RARS2: variants seen among roughly 807,000 people sequenced by gnomAD.
RARS2 encodes the protein probable arginine--tRNA ligase, mitochondrial.
Under a neutral mutation model 88.5 loss-of-function variants are expected in RARS2, and 67 were observed. The ratio of observed to expected loss-of-function variants is 0.76; its 90% CI spans 0.62 to 0.93. RARS2 has a LOEUF of 0.93. Ranked by LOEUF, RARS2 falls within the 40% of genes least tolerant of loss-of-function variation. The probability of loss-of-function intolerance (pLI) is 0.00; values close to 1 mark genes in which losing one functional copy is unlikely to be tolerated. For synonymous variants in RARS2, 239 were observed against 230.3 expected, an observed-to-expected ratio of 1.04 and a Z score of -0.34; for missense variants, 664 against 684.2, an observed-to-expected ratio of 0.97 and a Z score of 0.33.
Position 87,524,607 on chromosome 6 carries a change from G to A in RARS2, c.924C>T (p.Ser308=), listed in dbSNP as rs960231536. 4 of 1,613,448 alleles carry A rather than the reference G, an allele frequency of 2.5e-6. No individual in the cohort carries two copies. Among genetic ancestry groups the A allele is most frequent in the Non-Finnish European group, 2.5e-6 (3 of 1,179,622 alleles). ...VVDLSGNGDP[S]SICTVMRSDG... ...CACTTCGCATTACAGTACAAATTGAGGAGGGGTCGCCATTCCCAGAGAGAT... is the reference window on the plus strand; with the variant it reads ...CACTTCGCATTACAGTACAAATTGAAGAGGGGTCGCCATTCCCAGAGAGAT... The change falls in exon 11 of 20, where the codon TCC becomes TCT. Residue 308 remains serine (S), a synonymous_variant. Coordinates refer to ENST00000369536, the MANE Select transcript of RARS2 (RefSeq NM_020320.5).
intron 5 of RARS2, among the ~76,000 whole-genome samples, chr6:87,552,159 T>C (rs1233118231): frequency 2.6e-5 from 4 of 152,200 alleles, no homozygotes; most frequent in African/African-American, 7.2e-5. Context: ...TCTAGTATTA[T>C]CATAATCAAC....
At chr6:87,541,524 A>AT (rs1180363255) in intron 8 of RARS2, among the ~76,000 whole-genome samples, 1 of 151,390 alleles carries the variant, frequency 6.6e-6, no homozygotes, top group Non-Finnish European at 1.5e-5. Context: ...TAAAGAACAT[A>AT]TTTTTTAAAC....
chr6:87,564,669 CA>C (rs1342305147), intron 2 of RARS2: 1 of 255,802 alleles, frequency 3.9e-6, no homozygotes, highest in Non-Finnish European at 7.7e-6. Flanking sequence ...AACTCTGTCT[CA>C]AAAAAGTAAA....
chr6:87,574,745 TA>T (rs1302017287), intron 1 of RARS2, among the ~76,000 whole-genome samples: 1 of 152,004 alleles, frequency 6.6e-6, no homozygotes, highest in African/African-American at 2.4e-5. Context: ...GTGAATAAAA[TA>T]AACAAGAACT....
At chr6:87,581,601 T>C (rs1773491213) in intron 1 of RARS2, among the ~76,000 whole-genome samples, 1 of 152,146 alleles carries the variant, frequency 6.6e-6, no homozygotes, top group African/African-American at 2.4e-5. Context: ...TTAGCATGGT[T>C]CTTTTTAAAA....
At chr6:87,579,720 T>TG (rs1772824535) in intron 1 of RARS2, among the ~76,000 whole-genome samples, 2 of 104,158 alleles carry the variant, frequency 1.9e-5, no homozygotes, top group Admixed American at 9.3e-5. Flanking sequence ...AGCATGTTTT[T>TG]TTTTTTTTTT....
intron 11 of RARS2, among the ~76,000 whole-genome samples, chr6:87,524,076 T>C (rs192257166): frequency 2.8e-4 from 43 of 152,360 alleles, no homozygotes; most frequent in African/African-American, 1.0e-3. Flanking sequence ...AAAAGTGATT[T>C]GTGACCTAAT....
At chr6:87,539,408 A>G (rs1190943360) in intron 8 of RARS2, among the ~76,000 whole-genome samples, 1 of 152,262 alleles carries the variant, frequency 6.6e-6, no homozygotes, top group Non-Finnish European at 1.5e-5. Flanking sequence ...AGAAATCAAT[A>G]TACTTTGTGT....
chr6:87,575,895 C>A (rs1313088236), intron 1 of RARS2, among the ~76,000 whole-genome samples: 1 of 150,866 alleles, frequency 6.6e-6, no homozygotes, highest in Non-Finnish European at 1.5e-5. Context: ...CTCACTGCAA[C>A]CTCTGCCTCC....
rs184823101 is a variant in RARS2 at position 87,550,559 on chromosome 6, C to A, written c.396-1913G>T. Among the ~76,000 whole-genome samples, 6 of 150,968 alleles carry A rather than the reference C, an allele frequency of 4.0e-5. No homozygotes were observed. The East Asian group carries it at 9.7e-4, about 25-fold the overall frequency. ...AAAAAAAATCAATAGAAATAAAAAA[C>A]CCCAGAAAAACAGCTCTATATAATT... is the stretch of plus-strand genomic sequence containing the variant. On this transcript the variant is annotated intron_variant, in intron 5 of 19. Coordinates refer to ENST00000369536, the MANE Select transcript of RARS2 (RefSeq NM_020320.5).
intron 7 of RARS2, among the ~76,000 whole-genome samples, chr6:87,542,655 A>G (rs1168659819): frequency 1.3e-5 from 2 of 151,120 alleles, no homozygotes; most frequent in African/African-American, 4.9e-5. Context: ...AACCTAAAAA[A>G]AAAAAGAAAA....
chr6:87,581,507 GCAAA>G, intron 1 of RARS2, among the ~76,000 whole-genome samples: 1 of 152,134 alleles, frequency 6.6e-6, no homozygotes, highest in South Asian at 2.1e-4. Flanking sequence ...CAAACAAGAA[GCAAA>G]CAAAGTAAGA....
intron 4 of RARS2, among the ~76,000 whole-genome samples, chr6:87,558,727 A>G (rs975278887): frequency 2.0e-5 from 3 of 152,244 alleles, no homozygotes; most frequent in African/African-American, 7.2e-5. Context: ...CAGTCAAATA[A>G]AAGTATAGCA....
chr6:87,557,378 A>C (rs1786315852), intron 4 of RARS2, among the ~76,000 whole-genome samples: 1 of 152,234 alleles, frequency 6.6e-6, no homozygotes, highest in Non-Finnish European at 1.5e-5. Flanking sequence ...TGACAAGAAC[A>C]CATCAGTAAG....
intron 2 of RARS2, among the ~76,000 whole-genome samples, chr6:87,568,425 G>A (rs987758206): frequency 2.0e-5 from 3 of 151,562 alleles, no homozygotes; most frequent in Middle Eastern, 3.4e-3. Flanking sequence ...ACTTGAGCAC[G>A]GGAGTTTGAG....
chr6:87,527,612 G>A (rs957457821), intron 10 of RARS2, among the ~76,000 whole-genome samples: 4 of 152,054 alleles, frequency 2.6e-5, no homozygotes, highest in Non-Finnish European at 5.9e-5. Flanking sequence ...ACAAAATGAA[G>A]AGACAACCTA....
At chr6:87,518,409 C>T (rs1384403331) in intron 16 of RARS2, 145 bp from the exon 17 acceptor site, 15 of 1,504,742 alleles carry the variant, frequency 1.0e-5, no homozygotes, top group Admixed American at 2.1e-5. Flanking sequence ...GTATATTTTT[C>T]GACAGGGTTA....
At chr6:87,573,325 G>A (rs144341154) in intron 1 of RARS2, among the ~76,000 whole-genome samples, 241 of 152,230 alleles carry the variant, frequency 1.6e-3, no homozygotes, top group African/African-American at 5.6e-3. Context: ...CAGCACTAGG[G>A]GAATGGTGCT....
chr6:87,562,839 A>G, intron 3 of RARS2, 54 bp from the exon 4 acceptor site: 1 of 1,349,358 alleles, frequency 7.4e-7, no homozygotes, highest in Non-Finnish European at 1.1e-6. Context: ...GCCTAATGAG[A>G]TAGGTAGTTC....
Sources: gnomAD v4.1 joint callset for allele counts (sites outside exome capture counted in the v4.1 genomes callset) on GRCh38, gnomAD v4.1.1 for gene constraint, MANE v1.5 for transcripts, NCBI Gene and HGNC (gene_info 2026-07-23, HGNC 2026-07-21) for gene names.